Variants in CDH12 observed in about 807,000 individuals in gnomAD.
The protein encoded by CDH12 is cadherin-12.
A neutral mutation model predicts 74.1 loss-of-function variants in CDH12; 41 were observed. The observed-to-expected ratio is 0.55, with a 90% CI of 0.43 to 0.72. The LOEUF is 0.72. CDH12 is among the 30% of genes least tolerant of loss of function. The pLI, the probability that CDH12 is intolerant of heterozygous loss-of-function variation, is 0.00. For missense variants in CDH12, 945 were observed against 977.2 expected (o/e 0.97, Z 0.44); for synonymous variants, 399 against 355.0 (o/e 1.12, Z -1.39).
chr5:22,063,905 G>C (rs1407430049), intron 5 of CDH12, among the ~76,000 whole-genome samples: 3 of 151,602 alleles, frequency 2.0e-5, no homozygotes, highest in Admixed American at 6.6e-5. Context: ...ACTGCAGATC[G>C]GACATGCTCC....
At chr5:21,939,101 CT>C (rs1755211345) in intron 6 of CDH12, among the ~76,000 whole-genome samples, 1 of 150,214 alleles carries the variant, frequency 6.7e-6, no homozygotes, top group Non-Finnish European at 1.5e-5. Context: ...ATGCAGCCTT[CT>C]AAAAAATGGG....
intron 3 of CDH12, among the ~76,000 whole-genome samples, chr5:22,279,207 T>C (rs1178810808): frequency 2.0e-5 from 3 of 152,182 alleles, no homozygotes; most frequent in Non-Finnish European, 4.4e-5. Context: ...GAATAAGAAG[T>C]ATAACTAGAG....
intron 2 of CDH12, among the ~76,000 whole-genome samples, chr5:22,479,273 A>G (rs1746292561): frequency 6.6e-6 from 1 of 152,222 alleles, no homozygotes; most frequent in African/African-American, 2.4e-5. Context: ...AATTTTGGTA[A>G]CAGTTCCTAG....
chr5:22,123,719 T>C (rs914906335), intron 4 of CDH12, among the ~76,000 whole-genome samples: 10 of 152,304 alleles, frequency 6.6e-5, no homozygotes, highest in African/African-American at 1.9e-4. Context: ...TTTGCAGTAA[T>C]ACAGTTAATC....
At chr5:22,332,588 T>C (rs1404041242) in intron 3 of CDH12, among the ~76,000 whole-genome samples, 1 of 151,510 alleles carries the variant, frequency 6.6e-6, no homozygotes, top group African/African-American at 2.4e-5. Context: ...CTAATATCCA[T>C]AATCTACACG....
chr5:22,743,435 T>C (rs1199887449), intron 1 of CDH12, among the ~76,000 whole-genome samples: 2 of 151,824 alleles, frequency 1.3e-5, no homozygotes, highest in African/African-American at 4.8e-5. Context: ...ACACTATAAA[T>C]TGGAAGAAAA....
intron 6 of CDH12, chr5:21,889,564 A>G: frequency 1.0e-6 from 1 of 984,992 alleles, no homozygotes; most frequent in Non-Finnish European, 1.2e-6. Flanking sequence ...TACAGAAGCA[A>G]AGTGAAACAA....
chr5:22,398,882 T>C (rs756321437), intron 3 of CDH12, among the ~76,000 whole-genome samples: 4 of 152,136 alleles, frequency 2.6e-5, no homozygotes, highest in African/African-American at 7.2e-5. Flanking sequence ...ATTCATAATT[T>C]TGGAGTTTCT....
chr5:22,481,975 G>C (rs1305711231), intron 2 of CDH12, among the ~76,000 whole-genome samples: 1 of 152,128 alleles, frequency 6.6e-6, no homozygotes. Context: ...TTGTATTTTA[G>C]TATATCAATT....
intron 1 of CDH12, among the ~76,000 whole-genome samples, chr5:22,647,281 G>A (rs1482219575): frequency 1.3e-5 from 2 of 151,622 alleles, no homozygotes; most frequent in Admixed American, 6.6e-5. Flanking sequence ...GGTAAGGACT[G>A]GCTCATTGTT....
intron 1 of CDH12, among the ~76,000 whole-genome samples, chr5:22,771,526 AT>A (rs1353453373): frequency 6.6e-6 from 1 of 151,944 alleles, no homozygotes; most frequent in African/African-American, 2.4e-5. Context: ...TCAATGTACA[AT>A]TTTTTATTAC....
intron 3 of CDH12, among the ~76,000 whole-genome samples, chr5:22,355,757 G>A (rs1197739921): frequency 1.3e-5 from 2 of 151,918 alleles, no homozygotes. Flanking sequence ...TGATGTCCAT[G>A]GGTGAGAATG....
chr5:22,168,435 G>T (rs914283241), intron 4 of CDH12, among the ~76,000 whole-genome samples: 26 of 152,052 alleles, frequency 1.7e-4, no homozygotes, highest in Non-Finnish European at 2.9e-4. Context: ...GCTCTTGTCA[G>T]AAATCTTCGA....
intron 1 of CDH12, among the ~76,000 whole-genome samples, chr5:22,780,588 C>T (rs556462870): frequency 4.6e-5 from 7 of 152,110 alleles, no homozygotes; most frequent in Middle Eastern, 3.4e-3. Context: ...CATTCACTAT[C>T]GCAAGAACAG....
chr5:22,178,543 T>C (rs1749463369), intron 4 of CDH12, among the ~76,000 whole-genome samples: 1 of 152,196 alleles, frequency 6.6e-6, no homozygotes, highest in African/African-American at 2.4e-5. Flanking sequence ...TTTCTATTAA[T>C]TAAACTCTTA....
At chr5:22,494,215 T>C (rs1364772146) in intron 2 of CDH12, among the ~76,000 whole-genome samples, 2 of 152,248 alleles carry the variant, frequency 1.3e-5, no homozygotes, top group Non-Finnish European at 2.9e-5. Flanking sequence ...AGTTGGTGTG[T>C]TCTCCCCAGA....
intron 1 of CDH12, among the ~76,000 whole-genome samples, chr5:22,817,913 T>C (rs113338671): frequency 3.9e-4 from 60 of 152,318 alleles, no homozygotes; most frequent in African/African-American, 1.4e-3. Context: ...ATTTTAGGCA[T>C]GCCGTTAGTT....
intron 1 of CDH12, among the ~76,000 whole-genome samples, chr5:22,688,849 CTG>C (rs1468056658): frequency 1.3e-5 from 2 of 152,130 alleles, no homozygotes; most frequent in African/African-American, 4.8e-5. Flanking sequence ...GGTTAGAACT[CTG>C]TGACTGAGAA....
intron 1 of CDH12, among the ~76,000 whole-genome samples, chr5:22,535,181 G>T (rs1737783774): frequency 7.1e-6 from 1 of 141,842 alleles, no homozygotes; most frequent in Non-Finnish European, 1.5e-5. Flanking sequence ...TTTTGAGACG[G>T]GGTCTTGCTG....
Sources: allele counts gnomAD v4.1 joint callset (sites outside exome capture counted in the v4.1 genomes callset), GRCh38; gene constraint gnomAD v4.1.1; transcripts MANE v1.5; gene names NCBI Gene and HGNC (gene_info 2026-07-23, HGNC 2026-07-21).